The following ARVCF variants were observed in gnomAD, a reference collection of about 807,000 sequenced individuals.
ARVCF encodes splicing regulator ARVCF.
A neutral mutation model predicts 90.9 loss-of-function variants in ARVCF; 66 were observed. The observed-to-expected ratio is 0.73, with a 90% CI of 0.60 to 0.89. The LOEUF (loss-of-function observed/expected upper bound fraction) is 0.89, where lower values mean the gene tolerates loss of function less well. ARVCF is among the 40% of genes least tolerant of loss of function. The pLI, the probability that ARVCF is intolerant of heterozygous loss-of-function variation, is 0.00. For synonymous variants in ARVCF, 653 were observed against 603.4 expected (o/e 1.08, Z -1.21); for missense variants, 1,469 against 1,382.3 (o/e 1.06, Z -1.00).
At chr22:20,015,890 A>G (rs868011712) in intron 1 of ARVCF, among the ~76,000 whole-genome samples, 2 of 152,384 alleles carry the variant, frequency 1.3e-5, no homozygotes, top group Non-Finnish European at 2.9e-5. Context: ...TAAGCAGCCA[A>G]TATTTAATTA....
intron 2 of ARVCF, among the ~76,000 whole-genome samples, chr22:20,001,196 G>T (rs1475665603): frequency 6.6e-6 from 1 of 152,164 alleles, no homozygotes; most frequent in East Asian, 1.9e-4. Context: ...CCCCCTCTGA[G>T]ACCCCTGAGG....
At chr22:19,976,940 C>T (rs1257625765) in intron 9 of ARVCF, among the ~76,000 whole-genome samples, 2 of 152,152 alleles carry the variant, frequency 1.3e-5, no homozygotes, top group African/African-American at 2.4e-5. Context: ...GGGCAGGTGG[C>T]GTACAGGTCC....
At chr22:19,975,625 C>A in intron 11 of ARVCF, 61 bp downstream of exon 11, 10 of 1,592,012 alleles carry the variant, frequency 6.3e-6, no homozygotes, top group Non-Finnish European at 8.6e-6. Flanking sequence ...AGCTTCACTA[C>A]CAGGGCAATC....
In ARVCF at chr22:19,979,756, A is replaced by G. The variant is rs1442924576; in HGVS notation, c.1383T>C (p.Arg461=). ...LLRAARDNEV[R]ELVTGTLWNL... ...GGTCCCACTCACCAGTGACAAGCTC[A>G]CGGACCTCGTTGTCCCGGGCAGCCC... is the stretch of plus-strand genomic sequence containing the variant. Residue 461 remains arginine, a synonymous_variant, in exon 6 of 20, where the codon CGT becomes CGC. Coordinates refer to ENST00000263207, the MANE Select transcript of ARVCF (RefSeq NM_001670.3). 6.3e-7 allele frequency: 1 copy of G among 1,599,074 alleles called. No individual in the cohort carries two copies.
chr22:19,989,084 CG>C (rs1376939650), intron 3 of ARVCF, among the ~76,000 whole-genome samples: 1 of 152,176 alleles, frequency 6.6e-6, no homozygotes, highest in African/African-American at 2.4e-5. Context: ...GAGGCGGCCT[CG>C]GGGTCACTGG....
At chr22:20,012,336 G>C (rs898899194) in intron 1 of ARVCF, among the ~76,000 whole-genome samples, 17 of 152,238 alleles carry the variant, frequency 1.1e-4, no homozygotes, top group Non-Finnish European at 4.4e-5. Flanking sequence ...CTTCCTAAGG[G>C]TGCACTAGGC....
chr22:19,965,950 C>G (rs531510802), downstream of ARVCF, among the ~76,000 whole-genome samples: 2 of 152,238 alleles, frequency 1.3e-5, no homozygotes, highest in African/African-American at 2.4e-5. Flanking sequence ...ATGGGCTTCA[C>G]TTGGGCAGGA....
chr22:20,000,923 C>G (rs1430447464), intron 2 of ARVCF, among the ~76,000 whole-genome samples: 1 of 152,146 alleles, frequency 6.6e-6, no homozygotes, highest in African/African-American at 2.4e-5. Flanking sequence ...ATAAAGGACT[C>G]CATCTAAGGT....
rs72556509 is a variant in ARVCF at position 19,979,653 on chromosome 22, G to A, written c.1396+90C>T. On this transcript the variant is annotated intron_variant, in intron 6 of 19. Transcript: ENST00000263207. ...CTGCCTACCGGGTGCTTTCCCAGGC[G>A]GTCGCAGGCCGAGTGGCCTCGTTCC... is the stretch of plus-strand genomic sequence containing the variant. 61 of 1,461,620 alleles carry A rather than the reference G, an allele frequency of 4.2e-5. No individual in the cohort carries two copies. The East Asian group carries it at 7.2e-4, about 17-fold the overall frequency. 90.5% of individuals were successfully genotyped at this position (1,461,620 alleles called of 1,614,324 possible).
chr22:19,971,452 G>C, intron 18 of ARVCF, 117 bp from the exon 19 acceptor site: 1 of 1,259,416 alleles, frequency 7.9e-7, no homozygotes, highest in East Asian at 2.5e-5. Flanking sequence ...TGCCAGGACA[G>C]CACAGGTAGC....
intron 1 of ARVCF, among the ~76,000 whole-genome samples, chr22:20,012,901 C>A (rs1291441337): frequency 2.0e-5 from 3 of 152,260 alleles, no homozygotes; most frequent in African/African-American, 4.8e-5. Context: ...TGGGTACACA[C>A]TGGGCCCAGA....
Position 19,973,770 on chromosome 22 carries a change from T to G in ARVCF, c.2112A>C (p.Thr704=). ...NWMWATYIRA[T]VRKERGLPVL... is the part of the protein sequence containing the mutation. ...CCGGCAGCCCGCGCTCTTTGCGCAC[T>G]GTGGCGCGGATGTACGTGGCCCACT... Residue 704 remains threonine (T), a synonymous_variant, in exon 13 of 20, where the codon ACA becomes ACC. Transcript: ENST00000263207. The G allele has an allele frequency of 1.2e-6, 2 of 1,606,958 alleles. No individual in the cohort carries two copies. The highest frequency in any genetic ancestry group is 1.7e-6 in the Non-Finnish European group (2 of 1,179,670).
intron 7 of ARVCF, 44 bp downstream of exon 7, chr22:19,978,853 G>A (rs768247149): frequency 1.3e-6 from 2 of 1,578,332 alleles, no homozygotes; most frequent in African/African-American, 1.3e-5. Flanking sequence ...ACGAGGACGG[G>A]GCCTGGTGTG....
chr22:19,973,313 G>T lies in ARVCF; in HGVS notation c.2244C>A (p.Ser748Arg). The part of the protein sequence containing the change: ...LDRRNKDLIG[S>R]YAMAELVRNV... ...TCCGCACAAGCTCAGCCATGGCGTA[G>T]CTCCCTGAGGGGCAGGACTAGGTGT... Residue 748 changes from serine (S) to arginine (R), a missense_variant, in exon 14 of 20, where the codon AGC (serine) becomes AGA (arginine). Physicochemically the swap from Ser to Arg is moderately radical, Grantham distance 110. Transcript: ENST00000263207. 1 of 1,595,406 alleles carries T rather than the reference G, an allele frequency of 6.3e-7. No individual in the cohort carries two copies.
chr22:19,969,694 C>T (rs1279423026), downstream of ARVCF: 1 of 362,584 alleles, frequency 2.8e-6, no homozygotes, highest in Non-Finnish European at 3.8e-6. Context: ...CCAGCCAGCC[C>T]ACTCCTATGG....
chr22:19,975,916 G>A (rs1428420967), intron 10 of ARVCF, among the ~76,000 whole-genome samples, 159 bp from the exon 11 acceptor site: 2 of 152,164 alleles, frequency 1.3e-5, no homozygotes, highest in African/African-American at 4.8e-5. Context: ...CAGAGTTTGG[G>A]CAGACAGTTT....
chr22:19,990,905 C>T, intron 2 of ARVCF, 93 bp from the exon 3 acceptor site: 1 of 1,271,644 alleles, frequency 7.9e-7, no homozygotes, highest in Non-Finnish European at 1.1e-6. Flanking sequence ...GACCATACAA[C>T]TCACTCCCAG....
chr22:19,977,664 G>A (rs1943236868), intron 8 of ARVCF, 78 bp from the exon 9 acceptor site: 19 of 1,470,102 alleles, frequency 1.3e-5, no homozygotes, highest in Non-Finnish European at 1.5e-5. Flanking sequence ...GCCACAGCTG[G>A]TGTGCATGAG....
chr22:20,005,665 A>G (rs1479852361), intron 2 of ARVCF, among the ~76,000 whole-genome samples: 1 of 152,060 alleles, frequency 6.6e-6, no homozygotes, highest in Non-Finnish European at 1.5e-5. Context: ...TAAAAACACA[A>G]AAAAATTAGC....
Sources: allele counts gnomAD v4.1 joint callset (sites outside exome capture counted in the v4.1 genomes callset), GRCh38; gene constraint gnomAD v4.1.1; transcripts MANE v1.5; gene names NCBI Gene and HGNC (gene_info 2026-07-23, HGNC 2026-07-21).